ARHGAP6: variants seen among roughly 807,000 people sequenced by gnomAD.
ARHGAP6 encodes rho GTPase-activating protein 6.
ARHGAP6 carries 16 observed loss-of-function variants against 55.7 expected under a neutral mutation model. The ratio of observed to expected loss-of-function variants is 0.29; its 90% confidence interval spans 0.19 to 0.44. The LOEUF (loss-of-function observed/expected upper bound fraction) is 0.44. Ranked by LOEUF, ARHGAP6 falls within the 20% of genes least tolerant of loss-of-function variation. ARHGAP6 has a pLI of 1.00. For synonymous variants in ARHGAP6, 382 were observed against 360.9 expected, an observed-to-expected ratio of 1.06 and a Z score of -0.66; for missense variants, 698 against 808.9, an observed-to-expected ratio of 0.86 and a Z score of 1.66.
intron 1 of ARHGAP6, among the ~76,000 whole-genome samples, chrX:11,520,275 TA>T (rs111939419): frequency 0.1 from 10,121 of 98,572 alleles, 822 homozygotes; most frequent in African/African-American, 0.23. Flanking sequence ...ACTTGTCATT[TA>T]ACATTAGGTA....
At chrX:11,189,669 A>G (rs775535705) in intron 3 of ARHGAP6, among the ~76,000 whole-genome samples, 66 of 112,211 alleles carry the variant, frequency 5.9e-4, no homozygotes, top group Admixed American at 1.6e-3. Context: ...GAGTGGACTC[A>G]GCCACTAAAT....
chrX:11,261,191 A>C (rs2897589), intron 1 of ARHGAP6, among the ~76,000 whole-genome samples: 23,510 of 111,325 alleles, frequency 0.21, 1,890 homozygotes, highest in Middle Eastern at 0.32. Flanking sequence ...CCTGTTGATA[A>C]GCCAAGAAAA....
intron 2 of ARHGAP6, among the ~76,000 whole-genome samples, chrX:11,214,830 G>A (rs2046856307): frequency 8.8e-6 from 1 of 113,461 alleles, no homozygotes; most frequent in African/African-American, 3.2e-5. Context: ...GCCAGCGTCT[G>A]CAGGTCCACT....
At chrX:11,196,435 A>G (rs1449744830) in intron 3 of ARHGAP6, among the ~76,000 whole-genome samples, 1 of 110,956 alleles carries the variant, frequency 9.0e-6, no homozygotes, top group Non-Finnish European at 1.9e-5. Flanking sequence ...AAATGTAAGC[A>G]TTCAGGTTAG....
intron 1 of ARHGAP6, among the ~76,000 whole-genome samples, chrX:11,508,563 A>T (rs918110450): frequency 9.1e-6 from 1 of 110,243 alleles, no homozygotes; most frequent in African/African-American, 3.3e-5. Flanking sequence ...GCTGCATACC[A>T]GTCAACTTGG....
Position 11,261,552 on chromosome X carries a change from AT to A in ARHGAP6, c.589-6846del, listed in dbSNP as rs770165037. Among the ~76,000 whole-genome samples, 53 of 111,617 alleles carry A rather than the reference AT, an allele frequency of 4.7e-4. No homozygotes were observed. The Middle Eastern group carries it at 0.023, about 48-fold the overall frequency. On this transcript the variant is annotated intron_variant, in intron 1 of 12. Coordinates refer to ENST00000337414, the MANE Select transcript of ARHGAP6 (RefSeq NM_013427.3). ...TAGTCTTTTGAGTGATCATCATGGA[AT>A]TTTTTTAAGGATTGAAAATGGATGA...
intron 6 of ARHGAP6, 107 bp from the exon 7 acceptor site, chrX:11,179,559 C>T (rs1280422278): frequency 8.3e-6 from 8 of 959,285 alleles, no homozygotes; most frequent in Non-Finnish European, 1.1e-5. Context: ...TAAGACTGCA[C>T]AGACCCCAAG....
intron 1 of ARHGAP6, chrX:11,300,854 C>A: frequency 3.5e-6 from 1 of 282,925 alleles, no homozygotes. Context: ...AGGAACTGCT[C>A]ATTTAGTCAT....
chrX:11,626,059 GT>G (rs1013176183), intron 1 of ARHGAP6, among the ~76,000 whole-genome samples: 1 of 111,761 alleles, frequency 8.9e-6, no homozygotes, highest in Non-Finnish European at 1.9e-5. Flanking sequence ...GCAAAAGCTA[GT>G]TTTTTTACTG....
At chrX:11,300,769 C>A (rs1202404564) in intron 1 of ARHGAP6, 3 of 512,136 alleles carry the variant, frequency 5.9e-6, no homozygotes, top group Non-Finnish European at 9.9e-6. Context: ...TCATTCATGT[C>A]TTTGTGTTGA....
chrX:11,639,243 A>AT (rs34609587), intron 1 of ARHGAP6, among the ~76,000 whole-genome samples: 20,551 of 110,646 alleles, frequency 0.19, 1,897 homozygotes, highest in African/African-American at 0.34. Flanking sequence ...TTTAAGTTCT[A>AT]GGGTACATGT....
intron 8 of ARHGAP6, among the ~76,000 whole-genome samples, chrX:11,173,829 C>T (rs2046129036): frequency 9.0e-6 from 1 of 111,117 alleles, no homozygotes. Flanking sequence ...ACCCCCCATC[C>T]CAACTCTGTT....
intron 12 of ARHGAP6, among the ~76,000 whole-genome samples, chrX:11,141,513 T>G (rs770772470): frequency 2.7e-5 from 3 of 112,543 alleles, no homozygotes; most frequent in African/African-American, 6.5e-5. Flanking sequence ...GTTCAGCAAA[T>G]TAATAGAAAC....
chrX:11,313,915 G>C (rs996906790), intron 1 of ARHGAP6, among the ~76,000 whole-genome samples: 1 of 112,089 alleles, frequency 8.9e-6, no homozygotes, highest in African/African-American at 3.2e-5. Flanking sequence ...TTTGTTAAAA[G>C]TGAGTTCCAG....
In ARHGAP6 at chrX:11,369,814, C is replaced by T. The variant is rs192288255; in HGVS notation, c.589-115107G>A. ...CCCCGTTTTACTCAAAGCTTAACAT[C>T]AGAAGTTACTTGTTTAGATAAATAT... On this transcript the variant is annotated intron_variant, in intron 1 of 12. Coordinates refer to ENST00000337414, the MANE Select transcript of ARHGAP6 (RefSeq NM_013427.3). 2.4e-3 allele frequency among the ~76,000 whole-genome samples: 267 copies of T among 111,961 alleles called. 1 individual carries two copies. Among genetic ancestry groups the T allele is most frequent in the Non-Finnish European group, 4.4e-3 (234 of 53,177 alleles).
chrX:11,163,616 T>C (rs761343596), intron 9 of ARHGAP6, among the ~76,000 whole-genome samples: 9 of 112,511 alleles, frequency 8.0e-5, no homozygotes, highest in South Asian at 3.6e-4. Flanking sequence ...AAGAAATCAC[T>C]TTGGCTGTTT....
intron 9 of ARHGAP6, among the ~76,000 whole-genome samples, chrX:11,163,597 A>C (rs1193866558): frequency 3.6e-5 from 4 of 112,553 alleles, no homozygotes; most frequent in Non-Finnish European, 5.6e-5. Context: ...TAGTTAACAA[A>C]CACACTAAAA....
At chrX:11,431,913 A>G (rs2049943825) in intron 1 of ARHGAP6, among the ~76,000 whole-genome samples, 1 of 111,389 alleles carries the variant, frequency 9.0e-6, no homozygotes, top group Non-Finnish European at 1.9e-5. Flanking sequence ...GGGTTTCTCA[A>G]CCCCAGCACT....
chrX:11,592,653 T>C (rs1331261174), intron 1 of ARHGAP6, among the ~76,000 whole-genome samples: 1 of 111,680 alleles, frequency 9.0e-6, no homozygotes, highest in African/African-American at 3.3e-5. Flanking sequence ...AGTGATAAAA[T>C]CCACATGTAC....
Sources: gnomAD v4.1 joint callset for allele counts (sites outside exome capture counted in the v4.1 genomes callset) on GRCh38, gnomAD v4.1.1 for gene constraint, MANE v1.5 for transcripts, NCBI Gene and HGNC (gene_info 2026-07-23, HGNC 2026-07-21) for gene names.